The following SCGB2B2 variants were observed in gnomAD, a reference collection of about 807,000 sequenced individuals.
SCGB2B2 encodes the protein secretoglobin family 2B member 2.
Under a neutral mutation model 7.6 loss-of-function variants are expected in SCGB2B2, and 11 were observed. That is an observed-to-expected ratio of 1.45 (90% CI 0.91 to 2.40). SCGB2B2 has a LOEUF of 2.40. Ranked by LOEUF, SCGB2B2 falls within the 30% of genes most tolerant of loss-of-function variation. The pLI is 0.00. For synonymous variants in SCGB2B2, 50 were observed against 48.6 expected (o/e 1.03, Z -0.12); for missense variants, 104 against 115.4 (o/e 0.90, Z 0.45).
intron 1 of SCGB2B2, among the ~76,000 whole-genome samples, chr19:34,654,052 T>C (rs1308411745): frequency 6.6e-6 from 1 of 151,028 alleles, no homozygotes; most frequent in African/African-American, 2.5e-5. Context: ...ATGATGTTGG[T>C]TGTGAGATGT....
At chr19:34,662,504 AACACACACAC>A (rs10634972) in intron 1 of SCGB2B2, among the ~76,000 whole-genome samples, 1 of 149,352 alleles carries the variant, frequency 6.7e-6, no homozygotes, top group East Asian at 2.0e-4. Context: ...TTTTTTAAAC[AACACACACAC>A]ACACACACAC....
chr19:34,625,900 G>A (rs982827571), intron 1 of SCGB2B2, among the ~76,000 whole-genome samples: 14 of 152,134 alleles, frequency 9.2e-5, no homozygotes, highest in Admixed American at 6.5e-4. Context: ...TCACACAGCC[G>A]GGTACTCCTC....
At chr19:34,628,236 CA>C (rs2066431994) in intron 1 of SCGB2B2, among the ~76,000 whole-genome samples, 1 of 151,928 alleles carries the variant, frequency 6.6e-6, no homozygotes, top group African/African-American at 2.4e-5. Flanking sequence ...CAAACACATT[CA>C]AAAAGTAGCA....
intron 1 of SCGB2B2, among the ~76,000 whole-genome samples, chr19:34,635,999 A>G (rs1236574838): frequency 6.6e-6 from 1 of 152,122 alleles, no homozygotes; most frequent in Non-Finnish European, 1.5e-5. Context: ...CAAGAGCAAA[A>G]TGTCTTTCAT....
intron 1 of SCGB2B2, among the ~76,000 whole-genome samples, chr19:34,631,737 A>G (rs963382436): frequency 2.0e-5 from 3 of 152,154 alleles, no homozygotes; most frequent in Non-Finnish European, 1.5e-5. Context: ...AATCCACAAT[A>G]CTTTTATTAG....
intron 1 of SCGB2B2, among the ~76,000 whole-genome samples, chr19:34,631,051 G>A (rs2066516840): frequency 6.8e-6 from 1 of 147,856 alleles, no homozygotes; most frequent in African/African-American, 2.5e-5. Flanking sequence ...ACTCATAGGT[G>A]GGAATTGAAC....
intron 1 of SCGB2B2, chr19:34,645,969 T>A: frequency 1.3e-5 from 4 of 316,126 alleles, no homozygotes; most frequent in South Asian, 1.2e-4. Context: ...GCTTGCTCAA[T>A]ACAACCCCAG....
chr19:34,665,239 C>T (rs2146168874), intron 1 of SCGB2B2, among the ~76,000 whole-genome samples: 1 of 152,346 alleles, frequency 6.6e-6, no homozygotes, highest in East Asian at 1.9e-4. Flanking sequence ...CCCTTGGTCA[C>T]AAGGCGTGCA....
At chr19:34,672,140 G>T (rs2067818381) in intron 1 of SCGB2B2, among the ~76,000 whole-genome samples, 1 of 151,606 alleles carries the variant, frequency 6.6e-6, no homozygotes, top group Admixed American at 6.6e-5. Context: ...ATAATTAAAT[G>T]AATAAATGAA....
At chr19:34,635,047 G>C in intron 1 of SCGB2B2, 1 of 293,356 alleles carries the variant, frequency 3.4e-6, no homozygotes. Flanking sequence ...CCAATGCCGA[G>C]CAAGTGTGAT....
At chr19:34,650,572 T>G (rs1600065034) in intron 1 of SCGB2B2, among the ~76,000 whole-genome samples, 2 of 151,464 alleles carry the variant, frequency 1.3e-5, no homozygotes, top group African/African-American at 2.5e-5. Flanking sequence ...ATCAAACTCC[T>G]GAACAGACCA....
chr19:34,668,186 G>A (rs1311188632), intron 1 of SCGB2B2, among the ~76,000 whole-genome samples: 1 of 152,202 alleles, frequency 6.6e-6, no homozygotes, highest in Non-Finnish European at 1.5e-5. Context: ...TTGCAGGGAG[G>A]TCTGGAGGGA....
At chr19:34,613,565 T>C (rs1213552392) in intron 1 of SCGB2B2, among the ~76,000 whole-genome samples, 1 of 152,240 alleles carries the variant, frequency 6.6e-6, no homozygotes, top group African/African-American at 2.4e-5. Flanking sequence ...TGAGGACATA[T>C]TCTTGTGATT....
chr19:34,654,829 A>T (rs2067242246), intron 1 of SCGB2B2, among the ~76,000 whole-genome samples: 1 of 150,920 alleles, frequency 6.6e-6, no homozygotes, highest in Non-Finnish European at 1.5e-5. Flanking sequence ...CTTCAATGAG[A>T]TCACTTTGAT....
chr19:34,603,821 A>G (rs1386287041), intron 1 of SCGB2B2, among the ~76,000 whole-genome samples: 1 of 136,044 alleles, frequency 7.4e-6, no homozygotes, highest in Non-Finnish European at 1.6e-5. Flanking sequence ...TTAACAGATA[A>G]CGTCTCACTA....
At chr19:34,610,520 C>G (rs970812373) in intron 1 of SCGB2B2, among the ~76,000 whole-genome samples, 1 of 152,092 alleles carries the variant, frequency 6.6e-6, no homozygotes, top group Admixed American at 6.5e-5. Context: ...TATAATGAAG[C>G]ATTGTTGACT....
chr19:34,601,651 GA>G (rs1240843853), intron 1 of SCGB2B2, among the ~76,000 whole-genome samples: 6 of 152,084 alleles, frequency 3.9e-5, no homozygotes, highest in Non-Finnish European at 8.8e-5. Context: ...TGTTGTATAG[GA>G]AATTTTAATT....
intron 1 of SCGB2B2, among the ~76,000 whole-genome samples, chr19:34,673,274 T>G (rs971388166): frequency 6.6e-6 from 1 of 152,232 alleles, no homozygotes; most frequent in Non-Finnish European, 1.5e-5. Context: ...CTGGCATATT[T>G]GTTTAAATCA....
chr19:34,667,690 T>C lies in SCGB2B2; in HGVS notation c.-2032+7940A>G, dbSNP rs146880477. On this transcript the variant is annotated intron_variant, in intron 1 of 3. Coordinates refer to ENST00000601241, the MANE Select transcript of SCGB2B2 (RefSeq NM_001025591.4). ...TGCTTTTGTTGCTTAATTCTTTCTT[T>C]GCTTTGTTTGTGCGTTTTCCCCAAT... 1.8e-3 allele frequency among the ~76,000 whole-genome samples: 268 copies of C among 152,266 alleles called. 3 individuals carry two copies. In the East Asian group the frequency reaches 0.038, roughly 21 times the overall value.
Sources: allele counts gnomAD v4.1 joint callset (sites outside exome capture counted in the v4.1 genomes callset), GRCh38; gene constraint gnomAD v4.1.1; transcripts MANE v1.5; gene names NCBI Gene and HGNC (gene_info 2026-07-23, HGNC 2026-07-21).